The following DOCK8 variants were observed in gnomAD, a reference collection of about 807,000 sequenced individuals.
DOCK8 encodes dedicator of cytokinesis protein 8.
In DOCK8, 141 loss-of-function variants were observed where a neutral mutation model predicts 245.6. The observed-to-expected ratio is 0.57, with a 90% CI of 0.50 to 0.66. DOCK8 has a LOEUF of 0.66. Among genes scored for constraint, DOCK8 ranks in the 30% least tolerant of loss-of-function variants. The pLI is 0.00. For missense variants in DOCK8, 2,965 were observed against 2,603.4 expected (o/e 1.14, Z -3.02); for synonymous variants, 1,168 against 970.2 (o/e 1.20, Z -3.79).
In DOCK8 at chr9:432,317, C is replaced by A; in HGVS notation, c.4778C>A (p.Pro1593His). The A allele has an allele frequency of 5.0e-6, 8 of 1,613,950 alleles. No homozygotes were observed. Among genetic ancestry groups the A allele is most frequent in the Non-Finnish European group, 6.8e-6 (8 of 1,179,992 alleles). ...EDTAMQMTPF[P>H]TQVEELLCNL... ...ACAGCCATGCAGATGACTCCTTTTC[C>A]CACCCAGGTACACCGAAGCACATAC... The change falls in exon 37 of 48, where the codon CCC (proline) becomes CAC (histidine). Residue 1593 changes from proline (P) to histidine (H), a missense_variant. Pro to His is a moderately conservative substitution (Grantham distance 77, BLOSUM62 -2). Around this residue, in one of 3 missense-constraint regions of DOCK8, gnomAD observed 2,825 missense variants for 2,453.5 expected, o/e 1.15. Coordinates refer to ENST00000432829, the MANE Select transcript of DOCK8 (RefSeq NM_203447.4).
At chr9:349,428 A>G (rs1301161609) in intron 14 of DOCK8, among the ~76,000 whole-genome samples, 1 of 152,254 alleles carries the variant, frequency 6.6e-6, no homozygotes, top group African/African-American at 2.4e-5. Context: ...TCATAAGGAT[A>G]AAATTAGAGG....
At chr9:371,601 G>C (rs894597962) in intron 17 of DOCK8, 35 bp downstream of exon 17, 8 of 1,613,776 alleles carry the variant, frequency 5.0e-6, no homozygotes, top group Non-Finnish European at 6.8e-6. Flanking sequence ...TCACACTGCA[G>C]TTGTTGGTGC....
chr9:216,537 C>CAAAAAAAAAAAAAAAAAAAAAAAAAA (rs59529982), intron 1 of DOCK8, among the ~76,000 whole-genome samples: 13 of 88,922 alleles, frequency 1.5e-4, no homozygotes, highest in Non-Finnish European at 1.9e-4. Context: ...AAAAAACAGA[C>CAAAAAAAAAAAAAAAAAAAAAAAAAA]AAAAAAAAAA....
chr9:345,760 T>G (rs943681951), intron 14 of DOCK8, among the ~76,000 whole-genome samples: 1 of 152,128 alleles, frequency 6.6e-6, no homozygotes, highest in African/African-American at 2.4e-5. Context: ...TCGAGTTGCA[T>G]TCTAGTGTAT....
intron 46 of DOCK8, chr9:454,305 A>G (rs2057560160): frequency 6.6e-6 from 1 of 152,238 alleles, no homozygotes; most frequent in South Asian, 2.1e-4. Context: ...GAGAGAGACC[A>G]CATTCACATA....
intron 6 of DOCK8, among the ~76,000 whole-genome samples, chr9:314,870 A>G (rs1254756690): frequency 1.3e-5 from 2 of 152,208 alleles, no homozygotes; most frequent in African/African-American, 4.8e-5. Flanking sequence ...AAACTAGTAT[A>G]TCCAAGTTAT....
intron 28 of DOCK8, among the ~76,000 whole-genome samples, chr9:412,959 C>G (rs1261278064): frequency 1.3e-5 from 2 of 151,588 alleles, no homozygotes; most frequent in Non-Finnish European, 2.9e-5. Flanking sequence ...CCAAAACAAC[C>G]TTGAAAAACA....
At chr9:334,111 A>T (rs150741320) in intron 10 of DOCK8, 114 bp from the exon 11 acceptor site, 3 of 1,150,882 alleles carry the variant, frequency 2.6e-6, no homozygotes, top group African/African-American at 3.1e-5. Flanking sequence ...ATATGTTTTT[A>T]CTCTTTTTAA....
intron 18 of DOCK8, among the ~76,000 whole-genome samples, chr9:372,848 G>A (rs1264561811): frequency 6.6e-6 from 1 of 152,142 alleles, no homozygotes. Flanking sequence ...TGGCCAAGGT[G>A]GCAAAACCCC....
chr9:428,128 T>A (rs186898767), intron 34 of DOCK8, among the ~76,000 whole-genome samples: 48 of 152,332 alleles, frequency 3.2e-4, no homozygotes, highest in African/African-American at 1.1e-3. Context: ...TACCTTCATT[T>A]AGGAACCCAG....
chr9:428,210 A>G (rs969408713), intron 34 of DOCK8, 152 bp from the exon 35 acceptor site: 25 of 1,204,910 alleles, frequency 2.1e-5, no homozygotes, highest in Non-Finnish European at 3.0e-5. Flanking sequence ...TTCAGTTCCC[A>G]TGGTTAATGG....
intron 39 of DOCK8, among the ~76,000 whole-genome samples, chr9:435,401 G>A (rs1282299066): frequency 2.6e-5 from 4 of 152,236 alleles, no homozygotes; most frequent in Admixed American, 2.6e-4. Context: ...TGTGAGGCAG[G>A]TAGGTAGGGA....
At chr9:391,179 A>G (rs1488912439) in intron 24 of DOCK8, among the ~76,000 whole-genome samples, 2 of 152,048 alleles carry the variant, frequency 1.3e-5, no homozygotes, top group South Asian at 2.1e-4. Context: ...CAACACACAC[A>G]GTTTCTATTC....
At chr9:231,100 A>G (rs959543341) in intron 1 of DOCK8, among the ~76,000 whole-genome samples, 5 of 152,320 alleles carry the variant, frequency 3.3e-5, no homozygotes, top group South Asian at 2.1e-4. Flanking sequence ...GAAGGGATCC[A>G]GTTTCAGCTT....
chr9:414,805 C>G lies in DOCK8; in HGVS notation c.3554C>G (p.Ala1185Gly), dbSNP rs777398486. 1 of 1,614,194 alleles carries G rather than the reference C, an allele frequency of 6.2e-7. No homozygotes were observed. Among genetic ancestry groups the G allele is most frequent in the Non-Finnish European group, 8.5e-7 (1 of 1,180,030 alleles). The change falls in exon 29 of 48, where the codon GCT becomes GGT. Residue 1185 changes from alanine to glycine, a missense_variant. Transcript: ENST00000432829. ...GEGISKVQRK[A>G]VSAIHSLLSS... ...AGAATCAGCAAAGTACAAAGGAAAGCTGTCAGTGCAATTCACAGCCTGCTA... is the reference window on the plus strand; with the variant it reads ...AGAATCAGCAAAGTACAAAGGAAAGGTGTCAGTGCAATTCACAGCCTGCTA...
intron 1 of DOCK8, among the ~76,000 whole-genome samples, chr9:233,635 C>T (rs1008331938): frequency 7.0e-4 from 107 of 152,110 alleles, no homozygotes; most frequent in African/African-American, 2.5e-3. Context: ...TGAATTGATC[C>T]CTTTACCATT....
intron 36 of DOCK8, among the ~76,000 whole-genome samples, chr9:431,698 G>A (rs1376811884): frequency 2.0e-5 from 3 of 151,980 alleles, no homozygotes; most frequent in African/African-American, 7.3e-5. Context: ...TAGTAGAGGC[G>A]GGGTTTTGCT....
intron 5 of DOCK8, among the ~76,000 whole-genome samples, chr9:309,532 G>A (rs1387663276): frequency 1.3e-5 from 2 of 152,140 alleles, no homozygotes; most frequent in Non-Finnish European, 2.9e-5. Context: ...TTTTTGCTGA[G>A]TCTTTGGTTC....
At chr9:308,848 G>A (rs749209736) in intron 5 of DOCK8, among the ~76,000 whole-genome samples, 1 of 152,062 alleles carries the variant, frequency 6.6e-6, no homozygotes, top group Admixed American at 6.6e-5. Flanking sequence ...TAGTAGAGAC[G>A]GGGTTTCACC....
Sources: gnomAD v4.1 joint callset for allele counts (sites outside exome capture counted in the v4.1 genomes callset) on GRCh38, gnomAD v4.1.1 for gene constraint, gnomAD v4.1.1 regional missense constraint, MANE v1.5 for transcripts, NCBI Gene and HGNC (gene_info 2026-07-23, HGNC 2026-07-21) for gene names.